The following WDR46 variants were observed in gnomAD, a reference collection of about 807,000 sequenced individuals.
WDR46 encodes the protein WD repeat domain 46.
WDR46 carries 58 observed loss-of-function variants against 74.7 expected under a neutral mutation model. The observed-to-expected ratio is 0.78, with a 90% CI of 0.63 to 0.97. The LOEUF (loss-of-function observed/expected upper bound fraction) is 0.97. Ranked by LOEUF, WDR46 falls within the 50% of genes least tolerant of loss-of-function variation. The pLI is 0.00. For missense variants in WDR46, 702 were observed against 790.1 expected (o/e 0.89, Z 1.34); for synonymous variants, 278 against 297.3 (o/e 0.93, Z 0.67).
At position 33,287,642 on chromosome 6, in the gene WDR46, T is replaced by C. The variant is rs761071674; in HGVS notation, c.700A>G (p.Asn234Asp). ...WVTKKLMCEI[N>D]VMEAVRDIRF... ...ATGTCCCGCACCGCCTCCATGACGT[T>C]GATCTCGCACATAAGCTTCTTTGTT... The change falls in exon 7 of 15, where the codon AAC (asparagine) becomes GAC (aspartate). Residue 234 changes from asparagine (N) to aspartate (D), a missense_variant. Asn to Asp is a conservative substitution (Grantham distance 23). Transcript: ENST00000374617. 1 of 1,613,986 alleles carries C rather than the reference T, an allele frequency of 6.2e-7. No individual in the cohort carries two copies. Among genetic ancestry groups the C allele is most frequent in the Non-Finnish European group, 8.5e-7 (1 of 1,180,006 alleles).
chr6:33,286,684 G>A (rs1766665844), intron 10 of WDR46, 111 bp downstream of exon 10: 4 of 1,010,026 alleles, frequency 4.0e-6, no homozygotes, highest in South Asian at 1.5e-5. Flanking sequence ...GTAACACTGC[G>A]ATTTAAACCT....
chr6:33,286,836 A>G lies in WDR46; in HGVS notation c.1074T>C (p.His358=), dbSNP rs1429349003. ...MKEPLAKILC[H]RGGVRAVAVD... ...CTGCCACAGCCCGGACCCCACCACG[A>G]TGACAGAGAATCTTTGCCAGTGGCT... The change falls in exon 10 of 15, where the codon CAT becomes CAC. Residue 358 remains histidine, a synonymous_variant. Transcript: ENST00000374617. 1 of 1,614,130 alleles carries G rather than the reference A, an allele frequency of 6.2e-7. No homozygotes were observed. Among genetic ancestry groups the G allele is most frequent in the East Asian group, 2.2e-5 (1 of 44,874 alleles).
chr6:33,280,010 A>C, intron 12 of WDR46, 151 bp from the exon 13 acceptor site: 1 of 702,238 alleles, frequency 1.4e-6, no homozygotes, highest in Non-Finnish European at 2.3e-6. Context: ...CCCAAACCAC[A>C]CCTTCCCCAG....
At chr6:33,286,524 C>G (rs1053275034) in intron 10 of WDR46, among the ~76,000 whole-genome samples, 1 of 152,128 alleles carries the variant, frequency 6.6e-6, no homozygotes, top group African/African-American at 2.4e-5. Context: ...TACCTCTTAT[C>G]AGCAAATCAT....
At position 33,288,481 on chromosome 6, in the gene WDR46, G is replaced by T; in HGVS notation, c.361-11C>A. On this transcript the variant is annotated splice_polypyrimidine_tract_variant and intron_variant, in intron 3 of 14. Coordinates refer to ENST00000374617, the MANE Select transcript of WDR46 (RefSeq NM_005452.6). The stretch of plus-strand genomic sequence containing the variant: ...TTTAGAATGTGGTAGCTGTAACATT[G>T]TTGGTGGGGAGGAGTGGCAGAAGAA... 6.2e-7 allele frequency: 1 copy of T among 1,613,980 alleles called. No homozygotes were observed.
chr6:33,281,324 G>T (rs1314606280), intron 10 of WDR46, among the ~76,000 whole-genome samples: 1 of 152,158 alleles, frequency 6.6e-6, no homozygotes, highest in African/African-American at 2.4e-5. Context: ...CACACGACAG[G>T]CTGCACCCAA....
intron 12 of WDR46, among the ~76,000 whole-genome samples, chr6:33,280,168 G>A (rs1410056421): frequency 6.6e-6 from 1 of 150,758 alleles, no homozygotes; most frequent in Non-Finnish European, 1.5e-5. Context: ...TCCAGCAGGG[G>A]GAATCTCACC....
intron 12 of WDR46, among the ~76,000 whole-genome samples, chr6:33,280,098 A>G (rs120626): frequency 6.7e-6 from 1 of 148,488 alleles, no homozygotes; most frequent in African/African-American, 2.5e-5. Context: ...GCAGGGGGGA[A>G]CCTGACCCTC....
rs746368528 is a variant in WDR46 at position 33,288,007 on chromosome 6, C to T, written c.581G>A (p.Arg194Gln). The part of the protein sequence containing the change: ...SAAKHFDLNL[R>Q]QFGPYRLNYS... ...GTTTAGTCTGTAGGGTCCAAACTGC[C>T]GCAGATTCAAGTCAAAGTGCTGGGA... is the stretch of plus-strand genomic sequence containing the variant. Residue 194 changes from arginine (R) to glutamine (Q), a missense_variant, in exon 6 of 15, where the codon CGG becomes CAG. Physicochemically the swap from Arg to Gln is conservative, Grantham distance 43. Coordinates refer to ENST00000374617, the MANE Select transcript of WDR46 (RefSeq NM_005452.6). The T allele has an allele frequency of 5.6e-6, 9 of 1,613,928 alleles. No homozygotes were observed. The highest frequency in any genetic ancestry group is 1.7e-5 in the Admixed American group (1 of 59,992).
Position 33,287,088 on chromosome 6 carries a change from G to A in WDR46, c.1015+3C>T. ...CAGAGTCAAAACTAAGCCAGGTACTGACCATTGCTGTGTCCGAGATGGATG... is the reference window on the plus strand; with the variant it reads ...CAGAGTCAAAACTAAGCCAGGTACTAACCATTGCTGTGTCCGAGATGGATG... On this transcript the variant is annotated splice_donor_region_variant and intron_variant, in intron 9 of 14. Coordinates refer to ENST00000374617, the MANE Select transcript of WDR46 (RefSeq NM_005452.6). 1 of 1,613,412 alleles carries A rather than the reference G, an allele frequency of 6.2e-7. No homozygotes were observed. The highest frequency in any genetic ancestry group is 8.5e-7 in the Non-Finnish European group (1 of 1,179,630).
chr6:33,286,153 T>A (rs1446161230), intron 10 of WDR46, among the ~76,000 whole-genome samples: 4 of 139,374 alleles, frequency 2.9e-5, no homozygotes, highest in Non-Finnish European at 6.3e-5. Context: ...TCAAAAGATT[T>A]AAAAAAAAAA....
intron 6 of WDR46, 115 bp from the exon 7 acceptor site, chr6:33,287,833 TA>T (rs1025033411): frequency 1.3e-6 from 2 of 1,499,586 alleles, no homozygotes; most frequent in Admixed American, 1.7e-5. Flanking sequence ...CATGTTGCTG[TA>T]GGTGCTTACC....
At chr6:33,282,641 G>A (rs183385101) in intron 10 of WDR46, among the ~76,000 whole-genome samples, 3 of 152,362 alleles carry the variant, frequency 2.0e-5, no homozygotes, top group Admixed American at 1.3e-4. Flanking sequence ...AAGCTCCTGA[G>A]GAGGACCAGA....
chr6:33,288,467 G>A lies in WDR46; in HGVS notation c.364C>T (p.Pro122Ser). Residue 122 changes from proline (P) to serine (S), a missense_variant, in exon 4 of 15, where the codon CCA (proline) becomes TCA (serine). By Grantham distance (74) the Pro-to-Ser change is moderately conservative (BLOSUM62 -1). Coordinates refer to ENST00000374617, the MANE Select transcript of WDR46 (RefSeq NM_005452.6). ...FCRIDKSRKL[P>S]HSKAKTRSRL... Reference sequence around the variant, plus strand: ...CTTCGAGTTTTGGCTTTAGAATGTGGTAGCTGTAACATTGTTGGTGGGGAG... The same window carrying A: ...CTTCGAGTTTTGGCTTTAGAATGTGATAGCTGTAACATTGTTGGTGGGGAG... 6.2e-7 allele frequency: 1 copy of A among 1,614,092 alleles called. No homozygotes were observed. The highest frequency in any genetic ancestry group is 2.2e-5 in the East Asian group (1 of 44,884).
intron 6 of WDR46, 111 bp downstream of exon 6, chr6:33,287,854 A>C: frequency 6.6e-7 from 1 of 1,511,306 alleles, no homozygotes; most frequent in South Asian, 1.1e-5. Context: ...CCTCACACCC[A>C]AGCAAATCGA....
At position 33,279,229 on chromosome 6, in the gene WDR46, A is replaced by T; in HGVS notation, c.*47T>A. On this transcript the variant is annotated 3_prime_UTR_variant, in exon 15 of 15. Transcript: ENST00000374617. ...TTCCAGGGAACACTCATTTCCCTAC[A>T]GGTGATCTTGGGGAGAGACTGTTCC... The T allele has an allele frequency of 6.2e-7, 1 of 1,610,824 alleles. No homozygotes were observed. Among genetic ancestry groups the T allele is most frequent in the East Asian group, 2.2e-5 (1 of 44,818 alleles).
rs1231436129 is a variant in WDR46, at chr6:33,287,093, T to A, written c.1013A>T (p.Asn338Ile). The A allele has an allele frequency of 1.2e-6, 2 of 1,613,644 alleles. No individual in the cohort carries two copies. The highest frequency in any genetic ancestry group is 3.3e-5 in the Admixed American group (2 of 59,948). Residue 338 changes from asparagine (N) to isoleucine (I), a missense_variant and splice_region_variant, in exon 9 of 15, where the codon AAT (asparagine) becomes ATT (isoleucine). By Grantham distance (149) the Asn-to-Ile change is moderately radical. Coordinates refer to ENST00000374617, the MANE Select transcript of WDR46 (RefSeq NM_005452.6). Reference protein sequence around the residue: ...YNAVIHLGHSNGTVSLWSPAM... With the variant: ...YNAVIHLGHSIGTVSLWSPAM... ...TCAAAACTAAGCCAGGTACTGACCATTGCTGTGTCCGAGATGGATGACGGC... is the reference window on the plus strand; with the variant it reads ...TCAAAACTAAGCCAGGTACTGACCAATGCTGTGTCCGAGATGGATGACGGC...
rs150719879 is a variant in WDR46, at chr6:33,282,696, A to G, written c.1116-1709T>C. On this transcript the variant is annotated intron_variant, in intron 10 of 14. Coordinates refer to ENST00000374617, the MANE Select transcript of WDR46 (RefSeq NM_005452.6). Reference sequence around the variant, plus strand: ...AAGATCACAAGGACCAGAGCTGTTTAGCCTCAAGGTGTTGATTAAACTTCA... The same window carrying G: ...AAGATCACAAGGACCAGAGCTGTTTGGCCTCAAGGTGTTGATTAAACTTCA... Among the ~76,000 whole-genome samples the G allele has an allele frequency of 2.4e-3, 361 of 152,354 alleles. 1 individual carries two copies. Among genetic ancestry groups the G allele is most frequent in the African/African-American group, 8.5e-3 (353 of 41,590 alleles).
rs781568294 is a variant in WDR46, at chr6:33,288,002, A to T, written c.586T>A (p.Phe196Ile). ...AKHFDLNLRQ[F>I]GPYRLNYSRT... ...GAGTAGTTTAGTCTGTAGGGTCCAAACTGCCGCAGATTCAAGTCAAAGTGC... is the reference window on the plus strand; with the variant it reads ...GAGTAGTTTAGTCTGTAGGGTCCAATCTGCCGCAGATTCAAGTCAAAGTGC... Residue 196 changes from phenylalanine (F) to isoleucine (I), a missense_variant, in exon 6 of 15, where the codon TTT (phenylalanine) becomes ATT (isoleucine). Transcript: ENST00000374617. 6.2e-7 allele frequency: 1 copy of T among 1,614,042 alleles called. No individual in the cohort carries two copies. Among genetic ancestry groups the T allele is most frequent in the Non-Finnish European group, 8.5e-7 (1 of 1,180,052 alleles).
Sources: gnomAD v4.1 joint callset for allele counts (sites outside exome capture counted in the v4.1 genomes callset) on GRCh38, gnomAD v4.1.1 for gene constraint, MANE v1.5 for transcripts, NCBI Gene and HGNC (gene_info 2026-07-23, HGNC 2026-07-21) for gene names.